KLHL40: variants seen among roughly 807,000 people sequenced by gnomAD.
KLHL40 encodes kelch-like protein 40.
In KLHL40, 44 loss-of-function variants were observed where a neutral mutation model predicts 49.7. The observed-to-expected ratio is 0.89, with a 90% CI of 0.70 to 1.14. The LOEUF (loss-of-function observed/expected upper bound fraction) is 1.14, where lower values mean the gene tolerates loss of function less well. Ranked by LOEUF, KLHL40 falls within the 50% of genes most tolerant of loss-of-function variation. KLHL40 has a pLI of 0.00. For missense variants in KLHL40, 892 were observed against 850.3 expected (o/e 1.05, Z -0.61); for synonymous variants, 409 against 365.2 (o/e 1.12, Z -1.37).
At position 42,686,054 on chromosome 3, in the gene KLHL40, G is replaced by T. The variant is rs1697266388; in HGVS notation, c.436G>T (p.Ala146Ser). The change falls in exon 1 of 6, where the codon GCG (alanine) becomes TCG (serine). Residue 146 changes from alanine to serine, a missense_variant. Coordinates refer to ENST00000287777, the MANE Select transcript of KLHL40 (RefSeq NM_152393.4). ...VFRLGLLLDC[A>S]RLAVAARDFI... ...CCGTCTCGGCCTCCTGCTCGACTGC[G>T]CGCGTCTCGCCGTGGCTGCCCGCGA... The T allele has an allele frequency of 6.2e-7, 1 of 1,606,316 alleles. No homozygotes were observed.
At chr3:42,687,884 C>T (rs1404090025) in intron 1 of KLHL40, among the ~76,000 whole-genome samples, 1 of 152,112 alleles carries the variant, frequency 6.6e-6, no homozygotes, top group Non-Finnish European at 1.5e-5. Flanking sequence ...CCTCACAGAG[C>T]TCCCCCTCAT....
rs1352646954 is a variant in KLHL40 at position 42,688,211 on chromosome 3, GGAGA to G, written c.1223_1226del (p.Gly408GlufsTer58). 6.2e-7 allele frequency: 1 copy of G among 1,613,968 alleles called. No individual in the cohort carries two copies. Among genetic ancestry groups the G allele is most frequent in the Admixed American group, 1.7e-5 (1 of 60,024 alleles). On this transcript the variant is annotated frameshift_variant, in exon 2 of 6. Coordinates refer to ENST00000287777, the MANE Select transcript of KLHL40 (RefSeq NM_152393.4). LOFTEE classifies it high-confidence loss of function. The surrounding 1 kb of genome is among the most constrained non-coding windows in gnomAD (Gnocchi z 4.2). ...CTCGCCCCGCTGCCTCTTTGGCCTG[GGAGA>G]AGCTCTCAACTCCATCTACGTGGTC...
At position 42,688,864 on chromosome 3, in the gene KLHL40, C is replaced by T. The variant is rs778697765; in HGVS notation, c.1422-5C>T. The T allele has an allele frequency of 3.0e-5, 48 of 1,613,004 alleles. No homozygotes were observed. Among genetic ancestry groups the T allele is most frequent in the Non-Finnish European group, 4.1e-5 (48 of 1,179,208 alleles). ...CTCCACCCATCCCCACCCTCCACCC[C>T]ACAGGAAGTGCCTGAACAAGATGTG... On this transcript the variant is annotated splice_polypyrimidine_tract_variant and splice_region_variant and intron_variant, in intron 3 of 5. Transcript: ENST00000287777. This position sits in a 1 kb window ranked among gnomAD's most constrained non-coding sequence, Gnocchi z 4.2.
Position 42,686,253 on chromosome 3 carries a change from A to T in KLHL40, c.635A>T (p.Glu212Val). 6.4e-7 allele frequency: 1 copy of T among 1,554,440 alleles called. No individual in the cohort carries two copies. Among genetic ancestry groups the T allele is most frequent in the South Asian group, 1.2e-5 (1 of 85,166 alleles). The change falls in exon 1 of 6, where the codon GAG becomes GTG. Residue 212 changes from glutamate to valine, a missense_variant. Transcript: ENST00000287777. ...AGSGDAEAQA[E>V]RQRALPTVFE... ...AGCGGCGACGCCGAGGCGCAGGCTGAGCGCCAGCGCGCGCTGCCCACCGTC... is the reference window on the plus strand; with the variant it reads ...AGCGGCGACGCCGAGGCGCAGGCTGTGCGCCAGCGCGCGCTGCCCACCGTC...
chr3:42,686,292 G>A lies in KLHL40; in HGVS notation c.674G>A (p.Arg225His). 6.3e-7 allele frequency: 1 copy of A among 1,583,200 alleles called. No homozygotes were observed. Among genetic ancestry groups the A allele is most frequent in the Non-Finnish European group, 8.6e-7 (1 of 1,164,918 alleles). Residue 225 changes from arginine to histidine, a missense_variant, in exon 1 of 6, where the codon CGC becomes CAC. Physicochemically the swap from Arg to His is conservative, Grantham distance 29 (BLOSUM62 0). Transcript: ENST00000287777. ...RALPTVFESV[R>H]CRLLPRAFLE... ...CTGCCCACCGTCTTCGAGAGCGTGC[G>A]CTGCCGCTTGCTGCCGCGCGCCTTT...
At position 42,685,774 on chromosome 3, in the gene KLHL40, C is replaced by G; in HGVS notation, c.156C>G (p.Ala52=). 1 of 1,611,982 alleles carries G rather than the reference C, an allele frequency of 6.2e-7. No homozygotes were observed. The highest frequency in any genetic ancestry group is 1.1e-5 in the South Asian group (1 of 91,018). Residue 52 remains alanine, a synonymous_variant, in exon 1 of 6, where the codon GCC becomes GCG. Coordinates refer to ENST00000287777, the MANE Select transcript of KLHL40 (RefSeq NM_152393.4). ...REFPCHRLVL[A]ACSPYFRARF... is the part of the protein sequence containing the mutation. ...TCCCGTGCCATCGCCTGGTGCTGGC[C>G]GCCTGCAGCCCCTACTTCCGGGCGC... is the stretch of plus-strand genomic sequence containing the variant.
chr3:42,689,286 C>T (rs1440812047), intron 4 of KLHL40, among the ~76,000 whole-genome samples: 1 of 152,108 alleles, frequency 6.6e-6, no homozygotes, highest in African/African-American at 2.4e-5. Context: ...TGCCAGGTTC[C>T]TCATTCAGGG....
Position 42,686,494 on chromosome 3 carries a change from A to C in KLHL40, c.876A>C (p.Ala292=), listed in dbSNP as rs755562914. The C allele has an allele frequency of 2.9e-5, 47 of 1,614,048 alleles. No homozygotes were observed. The highest frequency in any genetic ancestry group is 3.8e-5 in the Non-Finnish European group (45 of 1,180,038). The change falls in exon 1 of 6, where the codon GCA becomes GCC. Residue 292 remains alanine (A), a synonymous_variant. Transcript: ENST00000287777. ...ATAAGGGCACAAGCAAAGCCAAAGCAGAGGAGGATGAGGAGGCCGAACGTA... is the reference window on the plus strand; with the variant it reads ...ATAAGGGCACAAGCAAAGCCAAAGCCGAGGAGGATGAGGAGGCCGAACGTA... ...EADKGTSKAK[A]EEDEEAERIL... is the part of the protein sequence containing the mutation.
chr3:42,689,400 T>C (rs339700), intron 4 of KLHL40, among the ~76,000 whole-genome samples: 15,742 of 152,006 alleles, frequency 0.1, 2,352 homozygotes, highest in African/African-American at 0.33. Flanking sequence ...TGAGAGACAG[T>C]TGGACTCAGC....
chr3:42,692,064 TC>T lies in KLHL40; in HGVS notation c.*73del. 1 of 955,052 alleles carries T rather than the reference TC, an allele frequency of 1.0e-6. No homozygotes were observed. The highest frequency in any genetic ancestry group is 1.7e-6 in the Non-Finnish European group (1 of 585,374). The allele number at this position is 955,052 out of a possible 1,614,324, so 59.2% of individuals were successfully genotyped here. ...CTCACTGGCCTGGCCTTGTGGGGGCTCCAGAAAAGAGGCTAGGAGAGGCCAG... is the reference window on the plus strand; with the variant it reads ...CTCACTGGCCTGGCCTTGTGGGGGCTCAGAAAAGAGGCTAGGAGAGGCCAG... On this transcript the variant is annotated 3_prime_UTR_variant, in exon 6 of 6. Coordinates refer to ENST00000287777, the MANE Select transcript of KLHL40 (RefSeq NM_152393.4).
Position 42,685,549 on chromosome 3 carries a change from C to T in KLHL40, c.-70C>T. The T allele has an allele frequency of 1.4e-6, 2 of 1,466,798 alleles. No individual in the cohort carries two copies. Among genetic ancestry groups the T allele is most frequent in the South Asian group, 1.4e-5 (1 of 73,376 alleles). 90.9% of individuals were successfully genotyped at this position (1,466,798 alleles called of 1,614,324 possible). A position where few individuals can be genotyped will look rare whatever the true frequency, so the allele number is the denominator to read the frequency against. On this transcript the variant is annotated 5_prime_UTR_variant, in exon 1 of 6. Coordinates refer to ENST00000287777, the MANE Select transcript of KLHL40 (RefSeq NM_152393.4). ...AAGACAGCTGCTCAGTCTAAGCAAA[C>T]CCCAGCAGGAAAGCAGGGGTACAGA... is the stretch of plus-strand genomic sequence containing the variant.
chr3:42,685,826 G>C lies in KLHL40; in HGVS notation c.208G>C (p.Gly70Arg). 6.2e-7 allele frequency: 1 copy of C among 1,613,094 alleles called. No individual in the cohort carries two copies. The highest frequency in any genetic ancestry group is 1.1e-5 in the South Asian group (1 of 91,072). ...ARFLAEPERAGELHLEEVSPD... is the reference protein window; with the variant it reads ...ARFLAEPERARELHLEEVSPD... ...CTTTCTAGCCGAGCCGGAGCGCGCG[G>C]GCGAGCTGCACCTGGAGGAGGTGTC... is the stretch of plus-strand genomic sequence containing the variant. Residue 70 changes from glycine to arginine, a missense_variant, in exon 1 of 6, where the codon GGC (glycine) becomes CGC (arginine). Physicochemically the swap from Gly to Arg is moderately radical, Grantham distance 125. Coordinates refer to ENST00000287777, the MANE Select transcript of KLHL40 (RefSeq NM_152393.4).
chr3:42,692,425 C>A lies in KLHL40; in HGVS notation c.*432C>A, dbSNP rs1012221325. On this transcript the variant is annotated 3_prime_UTR_variant, in exon 6 of 6. Transcript: ENST00000287777. Reference sequence around the variant, plus strand: ...AAGAATAAAGTGCCTTCTGAGCAAGCAGCTCAGGGTCTGCATCAGTGCTCC... The same window carrying A: ...AAGAATAAAGTGCCTTCTGAGCAAGAAGCTCAGGGTCTGCATCAGTGCTCC... The A allele has an allele frequency of 2.4e-6, 1 of 424,506 alleles. No individual in the cohort carries two copies. The highest frequency in any genetic ancestry group is 4.4e-5 in the East Asian group (1 of 22,988). 26.3% of individuals were successfully genotyped at this position (424,506 alleles called of 1,614,324 possible).
Position 42,688,696 on chromosome 3 carries a change from T to C in KLHL40, c.1400T>C (p.Ile467Thr). ...VLSHMDLVYV[I>T]GGKGSDRKCL... The stretch of plus-strand genomic sequence containing the variant: ...TCCCACATGGACCTTGTCTACGTAA[T>C]TGGCGGCAAAGGCAGTGACAGGTGA... The change falls in exon 3 of 6, where the codon ATT becomes ACT. Residue 467 changes from isoleucine to threonine, a missense_variant. Coordinates refer to ENST00000287777, the MANE Select transcript of KLHL40 (RefSeq NM_152393.4). The surrounding 1 kb of genome is among the most constrained non-coding windows in gnomAD (Gnocchi z 4.2). 6.2e-7 allele frequency: 1 copy of C among 1,613,884 alleles called. No individual in the cohort carries two copies. Among genetic ancestry groups the C allele is most frequent in the Non-Finnish European group, 8.5e-7 (1 of 1,179,906 alleles).
chr3:42,691,807 CCT>C, intron 5 of KLHL40, 73 bp from the exon 6 acceptor site: 1 of 910,420 alleles, frequency 1.1e-6, no homozygotes, highest in South Asian at 1.3e-5. Flanking sequence ...CTCAGCCACC[CCT>C]CTCTGCTGCG....
Position 42,688,985 on chromosome 3 carries a change from T to A in KLHL40, c.1538T>A (p.Ile513Asn), listed in dbSNP as rs1402798176. Residue 513 changes from isoleucine (I) to asparagine (N), a missense_variant, in exon 4 of 6, where the codon ATC (isoleucine) becomes AAC (asparagine). Transcript: ENST00000287777. This position sits in a 1 kb window ranked among gnomAD's most constrained non-coding sequence, Gnocchi z 4.2. ...FGATVHDGRI[I>N]VAAGVTDTGL... Reference sequence around the variant, plus strand: ...GCCACTGTCCATGATGGCCGCATTATCGTGGCAGCTGGGGTCACCGACACA... The same window carrying A: ...GCCACTGTCCATGATGGCCGCATTAACGTGGCAGCTGGGGTCACCGACACA... 1 of 1,614,044 alleles carries A rather than the reference T, an allele frequency of 6.2e-7. No homozygotes were observed. The highest frequency in any genetic ancestry group is 2.2e-5 in the East Asian group (1 of 44,894).
intron 1 of KLHL40, 130 bp downstream of exon 1, chr3:42,686,900 G>A: frequency 1.3e-6 from 1 of 783,032 alleles, no homozygotes; most frequent in Middle Eastern, 3.8e-4. Flanking sequence ...TGTAGACTGG[G>A]GAGGTTGACT....
chr3:42,685,998 G>T lies in KLHL40; in HGVS notation c.380G>T (p.Arg127Leu). Residue 127 changes from arginine (R) to leucine (L), a missense_variant, in exon 1 of 6, where the codon CGC becomes CTC. Transcript: ENST00000287777. Reference sequence around the variant, plus strand: ...ATCTGCGTGTCCTTCCTGCAGAAGCGCCTGTGCCTCTCCAACTGCTTGGCC... The same window carrying T: ...ATCTGCGTGTCCTTCCTGCAGAAGCTCCTGTGCCTCTCCAACTGCTTGGCC... Reference protein sequence around the residue: ...FTICVSFLQKRLCLSNCLAVF... With the variant: ...FTICVSFLQKLLCLSNCLAVF... 1 of 1,611,338 alleles carries T rather than the reference G, an allele frequency of 6.2e-7. No individual in the cohort carries two copies. Among genetic ancestry groups the T allele is most frequent in the Non-Finnish European group, 8.5e-7 (1 of 1,179,974 alleles).
Position 42,688,549 on chromosome 3 carries a change from A to G in KLHL40, c.1314-61A>G, listed in dbSNP as rs542695589. The G allele has an allele frequency of 4.4e-4, 558 of 1,270,064 alleles. 8 individuals are homozygous for G. The South Asian group carries it at 6.4e-3, about 15-fold the overall frequency. 78.7% of individuals were successfully genotyped at this position (1,270,064 alleles called of 1,614,324 possible). A position where few individuals can be genotyped will look rare whatever the true frequency, so the allele number is the denominator to read the frequency against. ...GGTGGATGGGCGGATGGGTGCAGAG[A>G]CAGGGACTGAGCCGAGCCTGGATGG... On this transcript the variant is annotated intron_variant, in intron 2 of 5. Coordinates refer to ENST00000287777, the MANE Select transcript of KLHL40 (RefSeq NM_152393.4). The surrounding 1 kb of genome is among the most constrained non-coding windows in gnomAD (Gnocchi z 4.2).
Sources: allele counts gnomAD v4.1 joint callset (sites outside exome capture counted in the v4.1 genomes callset), GRCh38; gene constraint gnomAD v4.1.1; non-coding constraint Gnocchi (gnomAD v3.1); transcripts MANE v1.5; gene names NCBI Gene and HGNC (gene_info 2026-07-23, HGNC 2026-07-21).